The following EDARADD variants were observed in gnomAD, a reference collection of about 807,000 sequenced individuals.
The protein encoded by EDARADD is ectodysplasin-A receptor-associated adapter protein.
EDARADD carries 20 observed loss-of-function variants against 25.6 expected under a neutral mutation model. The observed-to-expected ratio is 0.78, with a 90% confidence interval of 0.55 to 1.14. The LOEUF is 1.14. EDARADD is among the 50% of genes most tolerant of loss of function. The probability of loss-of-function intolerance (pLI) is 0.00; values close to 1 mark genes in which losing one functional copy is unlikely to be tolerated. For synonymous variants in EDARADD, 86 were observed against 94.4 expected (o/e 0.91, Z 0.52); for missense variants, 225 against 270.1 (o/e 0.83, Z 1.17).
intron 3 of EDARADD, among the ~76,000 whole-genome samples, chr1:236,419,112 C>A (rs989988683): frequency 6.6e-6 from 1 of 152,100 alleles, no homozygotes; most frequent in Admixed American, 6.6e-5. Context: ...TGAGAAAAGT[C>A]GCTGTTAAAT....
At chr1:236,419,924 T>A (rs1247471920) in intron 3 of EDARADD, among the ~76,000 whole-genome samples, 1 of 152,196 alleles carries the variant, frequency 6.6e-6, no homozygotes, top group African/African-American at 2.4e-5. Context: ...GCGCCTGTAA[T>A]CCCAGCATTT....
intron 4 of EDARADD, among the ~76,000 whole-genome samples, chr1:236,434,582 A>G (rs943850605): frequency 6.6e-6 from 1 of 151,972 alleles, no homozygotes; most frequent in Non-Finnish European, 1.5e-5. Context: ...CATCAGCATT[A>G]GTATATTTTA....
At chr1:236,406,264 A>G (rs1028488945) in intron 1 of EDARADD, among the ~76,000 whole-genome samples, 1 of 152,088 alleles carries the variant, frequency 6.6e-6, no homozygotes, top group Non-Finnish European at 1.5e-5. Context: ...CTCCCCAGCT[A>G]GGAACCAGCG....
intron 4 of EDARADD, among the ~76,000 whole-genome samples, chr1:236,448,077 C>T (rs1006820164): frequency 1.3e-5 from 2 of 152,158 alleles, no homozygotes; most frequent in Non-Finnish European, 1.5e-5. Flanking sequence ...TCAGGTGATC[C>T]GCCTGCCTTG....
chr1:236,386,901 G>A (rs1359085533), intron 3 of EDARADD, among the ~76,000 whole-genome samples: 40 of 45,062 alleles, frequency 8.9e-4, no homozygotes, highest in African/African-American at 1.6e-3. Flanking sequence ...CCGGCCAGCC[G>A]TGCCGTCCGG....
rs1033332974 is a variant in EDARADD, at chr1:236,396,631, A to G, written c.61+2126A>G. On this transcript the variant is annotated intron_variant, in intron 1 of 5. Coordinates refer to ENST00000334232, the MANE Select transcript of EDARADD (RefSeq NM_145861.4). ...GGTGGTCAGAAGACTACACCCAACAACTAAGTTGGCATTGTGATGGCTGGG... is the reference window on the plus strand; with the variant it reads ...GGTGGTCAGAAGACTACACCCAACAGCTAAGTTGGCATTGTGATGGCTGGG... Among the ~76,000 whole-genome samples the G allele has an allele frequency of 5.9e-5, 9 of 152,046 alleles. No homozygotes were observed. The South Asian group carries it at 1.9e-3, about 32-fold the overall frequency.
intron 3 of EDARADD, among the ~76,000 whole-genome samples, chr1:236,355,352 T>C (rs669786): frequency 0.34 from 51,893 of 151,936 alleles, 9,104 homozygotes; most frequent in African/African-American, 0.42. Context: ...TTAAGACATG[T>C]TCAAACCATG....
At position 236,394,382 on chromosome 1, in the gene EDARADD, C is replaced by T. The variant is rs1490626867; in HGVS notation, c.-63C>T. On this transcript the variant is annotated 5_prime_UTR_variant, in exon 1 of 6. Coordinates refer to ENST00000334232, the MANE Select transcript of EDARADD (RefSeq NM_145861.4). ...GCCAGACAACCAGCGAGCATCTTCT[C>T]GCAATCTGTTGCTTCTTCCATGGCA... The T allele has an allele frequency of 2.1e-5, 33 of 1,569,192 alleles. No individual in the cohort carries two copies. In the South Asian group the frequency reaches 3.4e-4, roughly 16 times the overall value.
chr1:236,479,625 T>G (rs904382168), intron 5 of EDARADD, among the ~76,000 whole-genome samples: 1 of 150,214 alleles, frequency 6.7e-6, no homozygotes, highest in Admixed American at 6.7e-5. Flanking sequence ...AAGTCCCAGC[T>G]TCTACTCCAT....
At position 236,483,754 on chromosome 1, in the gene EDARADD, A is replaced by C. The variant is rs2103043493; in HGVS notation, c.*1105A>C. ...TACCACAGCCTGAAGAATGTCATCA[A>C]GGAGAAATATGGGAAAGATGCCACC... On this transcript the variant is annotated 3_prime_UTR_variant, in exon 6 of 6. Coordinates refer to ENST00000334232, the MANE Select transcript of EDARADD (RefSeq NM_145861.4). 2.0e-6 allele frequency: 3 copies of C among 1,499,926 alleles called. No homozygotes were observed. The East Asian group carries it at 6.8e-5, about 34-fold the overall frequency. The allele number at this position is 1,499,926 out of a possible 1,614,324, so 92.9% of individuals were successfully genotyped here.
intron 3 of EDARADD, among the ~76,000 whole-genome samples, chr1:236,372,375 T>C (rs1183577873): frequency 1.3e-5 from 2 of 152,270 alleles, no homozygotes; most frequent in Admixed American, 6.5e-5. Context: ...GTTACATTAA[T>C]TGATTTTTGG....
At chr1:236,382,699 G>C (rs1667314957) in intron 3 of EDARADD, among the ~76,000 whole-genome samples, 1 of 152,136 alleles carries the variant, frequency 6.6e-6, no homozygotes. Context: ...CTCAGTCTAG[G>C]ACTAATTATT....
At chr1:236,437,406 G>A (rs552984464) in intron 4 of EDARADD, among the ~76,000 whole-genome samples, 88 of 152,236 alleles carry the variant, frequency 5.8e-4, no homozygotes, top group African/African-American at 1.9e-3. Flanking sequence ...GAAAGTTCCC[G>A]AAAGAGTCTG....
chr1:236,391,957 G>A (rs1667431734), upstream of EDARADD, among the ~76,000 whole-genome samples: 1 of 152,090 alleles, frequency 6.6e-6, no homozygotes, highest in Non-Finnish European at 1.5e-5. Flanking sequence ...TACATCTTCA[G>A]TGCCTCCTTC....
Position 236,395,496 on chromosome 1 carries a change from G to T in EDARADD, c.61+991G>T, listed in dbSNP as rs1263047476. ...GGAGGGGAAGGCGGAGGAGGGCAGG[G>T]GCGCGCAGAGCCACGGTTTGCTCCA... On this transcript the variant is annotated intron_variant, in intron 1 of 5. Coordinates refer to ENST00000334232, the MANE Select transcript of EDARADD (RefSeq NM_145861.4). The surrounding 1 kb of genome is among the most constrained non-coding windows in gnomAD (Gnocchi z 6.9). 1.3e-6 allele frequency: 2 copies of T among 1,523,246 alleles called. No homozygotes were observed. Among genetic ancestry groups the T allele is most frequent in the Admixed American group, 4.0e-5 (2 of 50,066 alleles). 94.4% of individuals were successfully genotyped at this position (1,523,246 alleles called of 1,614,324 possible). A position where few individuals can be genotyped will look rare whatever the true frequency, so the allele number is the denominator to read the frequency against.
intron 2 of EDARADD, among the ~76,000 whole-genome samples, chr1:236,411,547 CTT>C (rs376379766): frequency 1.4e-5 from 2 of 144,222 alleles, no homozygotes. Context: ...TCTTCTTCTT[CTT>C]TTTTTTTTTT....
At chr1:236,409,068 TAA>T (rs772223735) in intron 1 of EDARADD, 146 bp from the exon 2 acceptor site, 10,883 of 326,150 alleles carry the variant, frequency 0.033, 1 homozygote, top group Middle Eastern at 0.054. Flanking sequence ...TCCTATTTCT[TAA>T]AAAAAAAAAA....
Position 236,483,779 on chromosome 1 carries a change from C to T in EDARADD, c.*1130C>T, listed in dbSNP as rs531300947. Reference sequence around the variant, plus strand: ...AGGAGAAATATGGGAAAGATGCCACCGGTGTGGGGGATGGAGGCGCGTTTG... The same window carrying T: ...AGGAGAAATATGGGAAAGATGCCACTGGTGTGGGGGATGGAGGCGCGTTTG... On this transcript the variant is annotated 3_prime_UTR_variant, in exon 6 of 6. Coordinates refer to ENST00000334232, the MANE Select transcript of EDARADD (RefSeq NM_145861.4). 3.2e-5 allele frequency: 47 copies of T among 1,472,800 alleles called. No homozygotes were observed. The highest frequency in any genetic ancestry group is 1.6e-4 in the East Asian group (7 of 44,006). The allele number at this position is 1,472,800 out of a possible 1,614,324, so 91.2% of individuals were successfully genotyped here.
At chr1:236,454,276 C>T (rs554646279) in intron 4 of EDARADD, among the ~76,000 whole-genome samples, 7 of 152,190 alleles carry the variant, frequency 4.6e-5, no homozygotes, top group Non-Finnish European at 1.0e-4. Flanking sequence ...TCTCGATCTC[C>T]TGACCTTGTG....
Sources: gnomAD v4.1 joint callset for allele counts (sites outside exome capture counted in the v4.1 genomes callset) on GRCh38, gnomAD v4.1.1 for gene constraint, Gnocchi (gnomAD v3.1) non-coding constraint, MANE v1.5 for transcripts, NCBI Gene and HGNC (gene_info 2026-07-23, HGNC 2026-07-21) for gene names.